The following FRMD4A variants were observed in gnomAD, a reference collection of about 807,000 sequenced individuals.
The protein encoded by FRMD4A is FERM domain containing 4A, also known as FERM domain-containing protein 4A.
FRMD4A carries 29 observed loss-of-function variants against 129.1 expected under a neutral mutation model. The ratio of observed to expected loss-of-function variants is 0.22; its 90% CI spans 0.17 to 0.31. FRMD4A has a LOEUF of 0.31. Among genes scored for constraint, FRMD4A ranks in the 10% least tolerant of loss-of-function variants. The pLI, the probability that FRMD4A is intolerant of heterozygous loss-of-function variation, is 1.00. For missense variants in FRMD4A, 1,272 were observed against 1,375.8 expected, an observed-to-expected ratio of 0.92 and a Z score of 1.19; for synonymous variants, 634 against 571.6, an observed-to-expected ratio of 1.11 and a Z score of -1.56.
rs557843768 is a variant in FRMD4A, at chr10:13,761,773, G to C, written c.442-104C>G. The C allele has an allele frequency of 3.9e-5, 29 of 749,996 alleles. No homozygotes were observed. The African/African-American group carries it at 5.1e-4, about 13-fold the overall frequency. 46.5% of individuals were successfully genotyped at this position (749,996 alleles called of 1,614,324 possible). A position where few individuals can be genotyped will look rare whatever the true frequency, so the allele number is the denominator to read the frequency against. On this transcript the variant is annotated intron_variant, in intron 7 of 24. Coordinates refer to ENST00000357447, the MANE Select transcript of FRMD4A (RefSeq NM_018027.5). The stretch of plus-strand genomic sequence containing the variant: ...AGAGTTTCTCTACTGAATGAGATGA[G>C]TTCAGCTTCCTGCAGTTATCATCCT...
At chr10:13,820,074 T>A (rs891008016) in intron 3 of FRMD4A, among the ~76,000 whole-genome samples, 1 of 152,120 alleles carries the variant, frequency 6.6e-6, no homozygotes, top group African/African-American at 2.4e-5. Context: ...GGCAGAGACC[T>A]GAGTGATGAG....
chr10:14,246,027 A>C (rs1341863807), intron 2 of FRMD4A, among the ~76,000 whole-genome samples: 2 of 152,152 alleles, frequency 1.3e-5, no homozygotes, highest in Non-Finnish European at 2.9e-5. Context: ...TCATCATTCC[A>C]AAAACTGAGG....
chr10:13,975,398 T>A (rs2095538639), intron 2 of FRMD4A, among the ~76,000 whole-genome samples: 1 of 151,880 alleles, frequency 6.6e-6, no homozygotes, highest in South Asian at 2.1e-4. Context: ...TTTGTCTCTG[T>A]GTGTGTGTCT....
chr10:13,867,621 AT>A (rs1227278912), intron 2 of FRMD4A, among the ~76,000 whole-genome samples: 5 of 22,754 alleles, frequency 2.2e-4, no homozygotes, highest in Admixed American at 4.3e-4. Context: ...TATAATGTAT[AT>A]GATATAATTA....
intron 24 of FRMD4A, among the ~76,000 whole-genome samples, chr10:13,650,149 G>A (rs535602756): frequency 6.6e-6 from 1 of 152,380 alleles, no homozygotes; most frequent in African/African-American, 2.4e-5. Context: ...ACAGGGTTTT[G>A]TGGTTTATAA....
At chr10:14,328,952 G>A (rs145353851) in intron 2 of FRMD4A, among the ~76,000 whole-genome samples, 109 of 152,252 alleles carry the variant, frequency 7.2e-4, no homozygotes, top group African/African-American at 2.4e-3. Flanking sequence ...GTCAGCAGAG[G>A]CCCATGAGAT....
At chr10:13,731,056 T>C (rs1251060743) in intron 12 of FRMD4A, among the ~76,000 whole-genome samples, 2 of 151,846 alleles carry the variant, frequency 1.3e-5, no homozygotes, top group Non-Finnish European at 2.9e-5. Context: ...TTTTTTTCTA[T>C]TGTGACTTTT....
At chr10:14,315,216 C>T (rs1042124607) in intron 2 of FRMD4A, among the ~76,000 whole-genome samples, 3 of 151,990 alleles carry the variant, frequency 2.0e-5, no homozygotes, top group Non-Finnish European at 4.4e-5. Context: ...AACCATCACC[C>T]GAATATTGAT....
intron 3 of FRMD4A, among the ~76,000 whole-genome samples, chr10:13,815,048 AG>A (rs1588875305): frequency 6.6e-6 from 1 of 152,258 alleles, no homozygotes; most frequent in East Asian, 1.9e-4. Context: ...ATGCCTCCCA[AG>A]GAACACCTAC....
At chr10:13,931,421 C>T (rs115386078) in intron 2 of FRMD4A, among the ~76,000 whole-genome samples, 189 of 152,234 alleles carry the variant, frequency 1.2e-3, no homozygotes, top group African/African-American at 4.4e-3. Context: ...ATTGCTGTGC[C>T]CCCCGAGGAC....
intron 2 of FRMD4A, among the ~76,000 whole-genome samples, chr10:13,935,031 A>G (rs2095237161): frequency 6.6e-6 from 1 of 152,094 alleles, no homozygotes; most frequent in Non-Finnish European, 1.5e-5. Context: ...TTACAAGAGC[A>G]CTCATCTCAT....
intron 2 of FRMD4A, among the ~76,000 whole-genome samples, chr10:14,150,387 G>A (rs976096030): frequency 4.6e-5 from 7 of 152,250 alleles, no homozygotes; most frequent in South Asian, 2.1e-4. Flanking sequence ...TAATTAGATC[G>A]TTATTTCCAT....
intron 5 of FRMD4A, among the ~76,000 whole-genome samples, chr10:13,795,365 T>A (rs2093092142): frequency 6.6e-6 from 1 of 152,148 alleles, no homozygotes; most frequent in Non-Finnish European, 1.5e-5. Context: ...GTTAAACAAA[T>A]CAAAAACGCA....
chr10:14,302,841 G>A (rs1846228753), intron 2 of FRMD4A, among the ~76,000 whole-genome samples: 1 of 152,128 alleles, frequency 6.6e-6, no homozygotes, highest in African/African-American at 2.4e-5. Flanking sequence ...TTGTCCACAG[G>A]GACAGAACTT....
At position 14,062,608 on chromosome 10, in the gene FRMD4A, G is replaced by A. The variant is rs1051942376; in HGVS notation, c.46-203696C>T. ...GCAAGACCATCTCTTGTGAGACAGT[G>A]CATCCCTCTAAGTAGGTGTCATTTG... On this transcript the variant is annotated intron_variant, in intron 2 of 24. Coordinates refer to ENST00000357447, the MANE Select transcript of FRMD4A (RefSeq NM_018027.5). Among the ~76,000 whole-genome samples, 4 of 152,240 alleles carry A rather than the reference G, an allele frequency of 2.6e-5. 1 individual carries two copies. The highest frequency in any genetic ancestry group is 7.2e-5 in the African/African-American group (3 of 41,462).
At chr10:14,061,299 A>G (rs1413840096) in intron 2 of FRMD4A, among the ~76,000 whole-genome samples, 1 of 152,086 alleles carries the variant, frequency 6.6e-6, no homozygotes, top group Non-Finnish European at 1.5e-5. Context: ...TAAAAATACA[A>G]AAATTATCCA....
At chr10:13,657,933 G>A (rs2082312733) in intron 21 of FRMD4A, among the ~76,000 whole-genome samples, 4 of 151,866 alleles carry the variant, frequency 2.6e-5, no homozygotes. Context: ...TTGAGCCTGG[G>A]AATTTGAGAC....
chr10:13,973,881 G>GA (rs35848280), intron 2 of FRMD4A, among the ~76,000 whole-genome samples: 20,391 of 152,032 alleles, frequency 0.13, 3,378 homozygotes, highest in African/African-American at 0.38. Flanking sequence ...GTATTTTCAT[G>GA]AAAAAACACA....
chr10:14,196,498 T>C (rs1334835253), intron 2 of FRMD4A, among the ~76,000 whole-genome samples: 2 of 152,244 alleles, frequency 1.3e-5, no homozygotes, highest in Non-Finnish European at 2.9e-5. Flanking sequence ...AATGAAAACC[T>C]GAAGGCTTTG....
Sources: gnomAD v4.1 joint callset for allele counts (sites outside exome capture counted in the v4.1 genomes callset) on GRCh38, gnomAD v4.1.1 for gene constraint, MANE v1.5 for transcripts, NCBI Gene and HGNC (gene_info 2026-07-23, HGNC 2026-07-21) for gene names.